The following TTF1 variants were observed in gnomAD, a reference collection of about 807,000 sequenced individuals.
TTF1 encodes the protein transcription termination factor, RNA polymerase I.
Under a neutral mutation model 80.2 loss-of-function variants are expected in TTF1, and 64 were observed. The observed-to-expected ratio is 0.80, with a 90% CI of 0.65 to 0.98. The LOEUF is 0.98. TTF1 is among the 50% of genes least tolerant of loss of function. The pLI is 0.00. For missense variants in TTF1, 1,023 were observed against 1,086.2 expected, an observed-to-expected ratio of 0.94 and a Z score of 0.82; for synonymous variants, 372 against 382.7, an observed-to-expected ratio of 0.97 and a Z score of 0.33.
chr9:132,404,601 TA>T (rs544705979), intron 1 of TTF1, among the ~76,000 whole-genome samples: 1,579 of 149,422 alleles, frequency 0.011, 28 homozygotes, highest in African/African-American at 0.037. Flanking sequence ...TCCTCTAACT[TA>T]AAAAAAAAAT....
chr9:132,384,543 A>G lies in TTF1; in HGVS notation c.2378+2013T>C, dbSNP rs1178163198. Among the ~76,000 whole-genome samples the G allele has an allele frequency of 6.6e-6, 1 of 152,224 alleles. No homozygotes were observed. The highest frequency in any genetic ancestry group is 1.5e-5 in the Non-Finnish European group (1 of 68,040). On this transcript the variant is annotated intron_variant, in intron 9 of 10. Coordinates refer to ENST00000334270, the MANE Select transcript of TTF1 (RefSeq NM_007344.4). This position sits in a 1 kb window ranked among gnomAD's most constrained non-coding sequence, Gnocchi z 4.1. Reference sequence around the variant, plus strand: ...CATCAGAACATCACTCAGATCCTGCAGACATTTTGCATAAACCATCTACGG... The same window carrying G: ...CATCAGAACATCACTCAGATCCTGCGGACATTTTGCATAAACCATCTACGG...
chr9:132,392,078 C>A lies in TTF1; in HGVS notation c.1985G>T (p.Ser662Ile). 1 of 1,613,962 alleles carries A rather than the reference C, an allele frequency of 6.2e-7. No homozygotes were observed. Among genetic ancestry groups the A allele is most frequent in the Non-Finnish European group, 8.5e-7 (1 of 1,180,030 alleles). Reference sequence around the variant, plus strand: ...GGGCACTGGGGGCTGCCACTTACGACTGCTGATCTGTGAGAACTTGAGGGC... The same window carrying A: ...GGGCACTGGGGGCTGCCACTTACGAATGCTGATCTGTGAGAACTTGAGGGC... ...SVALKFSQIS[S>I]QRNRGAWSKS... Residue 662 changes from serine (S) to isoleucine (I), a missense_variant and splice_region_variant, in exon 6 of 11, where the codon AGT becomes ATT. Ser to Ile is a moderately radical substitution (Grantham distance 142). Coordinates refer to ENST00000334270, the MANE Select transcript of TTF1 (RefSeq NM_007344.4).
At chr9:132,394,988 T>A (rs1409504771) in intron 5 of TTF1, among the ~76,000 whole-genome samples, 1 of 151,494 alleles carries the variant, frequency 6.6e-6, no homozygotes, top group Non-Finnish European at 1.5e-5. Flanking sequence ...GGTCAGGAGT[T>A]CCAGACCAGT....
chr9:132,380,394 C>G (rs1423770514), intron 9 of TTF1, among the ~76,000 whole-genome samples: 1 of 152,124 alleles, frequency 6.6e-6, no homozygotes, highest in Non-Finnish European at 1.5e-5. Context: ...TCTCCTTTAG[C>G]CTTCCTGACA....
chr9:132,379,280 TGATA>T, intron 9 of TTF1, 136 bp from the exon 10 acceptor site: 1 of 536,782 alleles, frequency 1.9e-6, no homozygotes, highest in Non-Finnish European at 3.1e-6. Context: ...CATACATGTG[TGATA>T]CAAATATGAC....
chr9:132,406,470 C>A (rs897915834), intron 1 of TTF1, among the ~76,000 whole-genome samples: 1 of 152,108 alleles, frequency 6.6e-6, no homozygotes, highest in African/African-American at 2.4e-5. Flanking sequence ...GGCTTGGTGG[C>A]GGGCGCCTAT....
intron 3 of TTF1, among the ~76,000 whole-genome samples, chr9:132,399,303 G>A (rs1297256743): frequency 6.7e-6 from 1 of 150,352 alleles, no homozygotes; most frequent in Non-Finnish European, 1.5e-5. Flanking sequence ...CTCTATAATT[G>A]TGTGTACGTG....
chr9:132,378,582 TGTGTGAATGCATGTG>T (rs1849300991), intron 10 of TTF1, among the ~76,000 whole-genome samples: 1 of 125,940 alleles, frequency 7.9e-6, no homozygotes, highest in Non-Finnish European at 1.6e-5. Context: ...GTGCATGTGG[TGTGTGAATGCATGTG>T]GTGTGAGTGC....
At chr9:132,381,854 G>T (rs1438894542) in intron 9 of TTF1, among the ~76,000 whole-genome samples, 1 of 152,124 alleles carries the variant, frequency 6.6e-6, no homozygotes, top group Non-Finnish European at 1.5e-5. Flanking sequence ...TGGTTCCGCA[G>T]AATATTGACT....
rs1370257814 is a variant in TTF1, at chr9:132,396,494, G to A, written c.1795C>T (p.Pro599Ser). ...RLHIGRNIAR[P>S]WKLIYYRAKK... The stretch of plus-strand genomic sequence containing the variant: ...GCTCGATAGTATATAAGTTTCCAGG[G>A]CCGGGCAATGTTCCTACCTAAAGTC... The change falls in exon 5 of 11, where the codon CCC becomes TCC. Residue 599 changes from proline (P) to serine (S), a missense_variant. Coordinates refer to ENST00000334270, the MANE Select transcript of TTF1 (RefSeq NM_007344.4). 2 of 1,613,970 alleles carry A rather than the reference G, an allele frequency of 1.2e-6. No homozygotes were observed. The highest frequency in any genetic ancestry group is 1.3e-5 in the African/African-American group (1 of 74,886).
In TTF1 at chr9:132,402,197, C is replaced by T. The variant is rs745489285; in HGVS notation, c.625G>A (p.Glu209Lys). 9 of 1,613,872 alleles carry T rather than the reference C, an allele frequency of 5.6e-6. No homozygotes were observed. The African/African-American group carries it at 6.7e-5, about 12-fold the overall frequency. ...TTTTTATGAGCAGATGCTGGTAGTTCTGTAATTTCACCCCCTGGACCCACA... is the reference window on the plus strand; with the variant it reads ...TTTTTATGAGCAGATGCTGGTAGTTTTGTAATTTCACCCCCTGGACCCACA... ...LSVGPGGEITELPASAHKNKS... is the reference protein window; with the variant it reads ...LSVGPGGEITKLPASAHKNKS... The change falls in exon 2 of 11, where the codon GAA becomes AAA. Residue 209 changes from glutamate to lysine, a missense_variant. Transcript: ENST00000334270.
intron 5 of TTF1, 74 bp from the exon 6 acceptor site, chr9:132,392,280 G>A (rs1456127403): frequency 3.2e-6 from 5 of 1,557,434 alleles, no homozygotes; most frequent in Admixed American, 1.8e-5. Context: ...ATCCCAGTAC[G>A]CAGCAATCGT....
At chr9:132,397,985 CA>C (rs749084307) in intron 4 of TTF1, among the ~76,000 whole-genome samples, 155 bp downstream of exon 4, 1,672 of 129,536 alleles carry the variant, frequency 0.013, 31 homozygotes, top group African/African-American at 0.039. Context: ...GACTCCGTCT[CA>C]AAAAAAAAAA....
Position 132,402,474 on chromosome 9 carries a change from T to C in TTF1, c.348A>G (p.Pro116=), listed in dbSNP as rs2131655662. Residue 116 remains proline (P), a synonymous_variant, in exon 2 of 11, where the codon CCA becomes CCG. Coordinates refer to ENST00000334270, the MANE Select transcript of TTF1 (RefSeq NM_007344.4). The stretch of plus-strand genomic sequence containing the variant: ...CATCAACATCCTTTCTAAAATGCTT[T>C]GGTGTGTTGTTAATATTTTCTTTAT... The part of the protein sequence containing the change: ...LVDKENINNT[P]KHFRKDVDVV... 6.2e-7 allele frequency: 1 copy of C among 1,614,210 alleles called. No individual in the cohort carries two copies. Among genetic ancestry groups the C allele is most frequent in the Admixed American group, 1.7e-5 (1 of 60,026 alleles).
chr9:132,398,393 T>C, intron 3 of TTF1, 67 bp from the exon 4 acceptor site: 1 of 1,515,518 alleles, frequency 6.6e-7, no homozygotes, highest in Non-Finnish European at 8.9e-7. Flanking sequence ...ACCTATGACT[T>C]GGTTTTTCAT....
At chr9:132,391,465 A>C (rs1004680770) in intron 6 of TTF1, among the ~76,000 whole-genome samples, 1 of 152,214 alleles carries the variant, frequency 6.6e-6, no homozygotes, top group African/African-American at 2.4e-5. Flanking sequence ...TTAAAAATCA[A>C]GAGATTTCCA....
At position 132,398,240 on chromosome 9, in the gene TTF1, T is replaced by G. The variant is rs368358602; in HGVS notation, c.1678A>C (p.Ile560Leu). Residue 560 changes from isoleucine to leucine, a missense_variant, in exon 4 of 11, where the codon ATT becomes CTT. By Grantham distance (5) the Ile-to-Leu change is conservative. Transcript: ENST00000334270. ...TACAGCAGCTTGTCTGCACTCTCAA[T>G]GCCTGTCAGGGCTAGAAAGTCTTCC... ...NVEDFLALTG[I>L]ESADKLLYTD... 3 of 1,608,836 alleles carry G rather than the reference T, an allele frequency of 1.9e-6. No individual in the cohort carries two copies. In the East Asian group the frequency reaches 6.7e-5, roughly 36 times the overall value.
rs933972543 is a variant in TTF1 at position 132,384,381 on chromosome 9, C to T, written c.2378+2175G>A. ...AACTCAAAGAGAGCTGAAGGGAGGG[C>T]GTGATAAAGAGCTGACATTAGAATA... On this transcript the variant is annotated intron_variant, in intron 9 of 10. Transcript: ENST00000334270. This position sits in a 1 kb window ranked among gnomAD's most constrained non-coding sequence, Gnocchi z 4.1. 6.6e-6 allele frequency among the ~76,000 whole-genome samples: 1 copy of T among 152,016 alleles called. No individual in the cohort carries two copies. Among genetic ancestry groups the T allele is most frequent in the Non-Finnish European group, 1.5e-5 (1 of 68,016 alleles).
intron 9 of TTF1, 43 bp from the exon 10 acceptor site, chr9:132,379,187 A>G: frequency 6.8e-7 from 1 of 1,463,058 alleles, no homozygotes; most frequent in Non-Finnish European, 9.4e-7. Flanking sequence ...GTTAGTTTAA[A>G]AATCTATCAT....
Sources: allele counts gnomAD v4.1 joint callset (sites outside exome capture counted in the v4.1 genomes callset), GRCh38; gene constraint gnomAD v4.1.1; non-coding constraint Gnocchi (gnomAD v3.1); transcripts MANE v1.5; gene names NCBI Gene and HGNC (gene_info 2026-07-23, HGNC 2026-07-21).